The following EPC1 variants were observed in gnomAD, a reference collection of about 807,000 sequenced individuals.
EPC1 encodes enhancer of polycomb 1.
In EPC1, 12 loss-of-function variants were observed where a neutral mutation model predicts 98.4. The ratio of observed to expected loss-of-function variants is 0.12; its 90% CI spans 0.08 to 0.20. The LOEUF is 0.20. Among genes scored for constraint, EPC1 ranks in the 10% least tolerant of loss-of-function variants. EPC1 has a pLI of 1.00. For synonymous variants in EPC1, 357 were observed against 363.9 expected (o/e 0.98, Z 0.21); for missense variants, 729 against 990.5 (o/e 0.74, Z 3.54).
intron 1 of EPC1, among the ~76,000 whole-genome samples, chr10:32,317,805 A>G (rs1836645149): frequency 6.6e-6 from 1 of 152,246 alleles, no homozygotes; most frequent in Admixed American, 6.5e-5. Context: ...CTCTCTACCT[A>G]TCCTCTTGCT....
upstream of EPC1, among the ~76,000 whole-genome samples, chr10:32,351,298 C>T (rs368793899): frequency 1.3e-5 from 2 of 152,170 alleles, no homozygotes; most frequent in South Asian, 2.1e-4. Flanking sequence ...TGTCCAACAT[C>T]GTTTGTCATT....
intron 1 of EPC1, among the ~76,000 whole-genome samples, chr10:32,314,860 C>T (rs1301968057): frequency 3.3e-5 from 5 of 152,226 alleles, no homozygotes; most frequent in Non-Finnish European, 5.9e-5. Context: ...TTGCTGCTAT[C>T]GCCATTCCTC....
At chr10:32,364,942 G>A (rs537724238) in intron 1 of EPC1, among the ~76,000 whole-genome samples, 47 of 141,580 alleles carry the variant, frequency 3.3e-4, no homozygotes, top group Non-Finnish European at 3.9e-4. Context: ...ATCGGCTATC[G>A]TTTGTATATT....
chr10:32,376,776 T>C (rs184303387), intron 1 of EPC1, among the ~76,000 whole-genome samples: 3 of 152,256 alleles, frequency 2.0e-5, no homozygotes, highest in Admixed American at 1.3e-4. Context: ...ATAATAATTC[T>C]TGAAATGTTC....
intron 1 of EPC1, among the ~76,000 whole-genome samples, chr10:32,341,094 T>C (rs1420176636): frequency 6.6e-6 from 1 of 152,234 alleles, no homozygotes; most frequent in African/African-American, 2.4e-5. Flanking sequence ...CTCATTTCCT[T>C]GTGCATCTCT....
At chr10:32,317,290 A>C (rs1298646897) in intron 1 of EPC1, among the ~76,000 whole-genome samples, 1 of 152,214 alleles carries the variant, frequency 6.6e-6, no homozygotes, top group Non-Finnish European at 1.5e-5. Flanking sequence ...GAATTATACC[A>C]GTTATTTAAG....
At chr10:32,283,434 G>C (rs929135386) in intron 10 of EPC1, 2 of 152,034 alleles carry the variant, frequency 1.3e-5, no homozygotes, top group Non-Finnish European at 2.9e-5. Context: ...TCAGTCTCCT[G>C]AGTAGCTGAG....
intron 1 of EPC1, among the ~76,000 whole-genome samples, chr10:32,341,457 G>T (rs1838348645): frequency 1.3e-5 from 2 of 152,028 alleles, no homozygotes; most frequent in Non-Finnish European, 2.9e-5. Flanking sequence ...ATTTAATCCT[G>T]CCCACACATT....
intron 1 of EPC1, among the ~76,000 whole-genome samples, chr10:32,368,763 G>A (rs777722955): frequency 6.6e-6 from 1 of 152,126 alleles, no homozygotes; most frequent in Non-Finnish European, 1.5e-5. Context: ...ACTGTGTAAG[G>A]CCTATTTTGA....
intron 1 of EPC1, among the ~76,000 whole-genome samples, chr10:32,314,368 A>G (rs1836431138): frequency 1.3e-5 from 2 of 152,332 alleles, no homozygotes; most frequent in Admixed American, 1.3e-4. Flanking sequence ...GAGCTTTGCT[A>G]TCATGGCACC....
intron 10 of EPC1, among the ~76,000 whole-genome samples, chr10:32,280,844 C>G (rs1836374532): frequency 6.6e-6 from 1 of 152,160 alleles, no homozygotes; most frequent in East Asian, 1.9e-4. Context: ...TTGTATTTTA[C>G]AAAATAGTTA....
upstream of EPC1, among the ~76,000 whole-genome samples, chr10:32,351,364 A>G (rs762317172): frequency 2.6e-5 from 4 of 152,178 alleles, no homozygotes; most frequent in Non-Finnish European, 5.9e-5. Flanking sequence ...ATCTTCAGAA[A>G]TCAGCATGTC....
Position 32,284,984 on chromosome 10 carries a change from A to C in EPC1, c.1458T>G (p.Leu486=), listed in dbSNP as rs754132705. 2.5e-6 allele frequency: 4 copies of C among 1,614,082 alleles called. No homozygotes were observed. The highest frequency in any genetic ancestry group is 3.4e-6 in the Non-Finnish European group (4 of 1,180,044). ...SVFHHLDLEM[L]SSPQHSPVNQ... ...TGACTGGAGAATGTTGTGGTGAGGA[A>C]AGCATTTCCAAATCCAGATGGTGAA... The change falls in exon 10 of 14, where the codon CTT becomes CTG. Residue 486 remains leucine, a synonymous_variant. Coordinates refer to ENST00000319778, the MANE Select transcript of EPC1 (RefSeq NM_001272004.3).
chr10:32,339,609 C>T (rs77706860), intron 1 of EPC1, among the ~76,000 whole-genome samples: 17,433 of 152,196 alleles, frequency 0.11, 1,348 homozygotes, highest in South Asian at 0.25. Context: ...TATCATACAA[C>T]TCTCTAAGGA....
intron 1 of EPC1, among the ~76,000 whole-genome samples, chr10:32,365,542 G>A (rs758132433): frequency 5.9e-5 from 9 of 152,094 alleles, no homozygotes; most frequent in Non-Finnish European, 1.0e-4. Context: ...GGCCGGGGAC[G>A]TGGTTCATGC....
intron 1 of EPC1, among the ~76,000 whole-genome samples, chr10:32,358,639 A>AC (rs1393458479): frequency 2.0e-5 from 3 of 151,066 alleles, no homozygotes; most frequent in African/African-American, 4.9e-5. Flanking sequence ...AGTAAAAAAA[A>AC]AAAAAAAAGC....
chr10:32,338,140 C>A (rs902848933), intron 1 of EPC1, among the ~76,000 whole-genome samples: 2 of 152,186 alleles, frequency 1.3e-5, no homozygotes, highest in Non-Finnish European at 2.9e-5. Flanking sequence ...ACATTTCAAA[C>A]TGAACAAGTC....
chr10:32,357,012 C>T (rs893345498), intron 1 of EPC1, among the ~76,000 whole-genome samples: 1 of 151,944 alleles, frequency 6.6e-6, no homozygotes, highest in Non-Finnish European at 1.5e-5. Flanking sequence ...TTTACCAAAG[C>T]CCCCAAAAAA....
At chr10:32,273,088 A>G in intron 11 of EPC1, 75 bp downstream of exon 11, 1 of 1,614,192 alleles carries the variant, frequency 6.2e-7, no homozygotes, top group Non-Finnish European at 8.5e-7. Flanking sequence ...AGGTTCTATG[A>G]CAACAGTTGG....
Sources: allele counts gnomAD v4.1 joint callset (sites outside exome capture counted in the v4.1 genomes callset), GRCh38; gene constraint gnomAD v4.1.1; transcripts MANE v1.5; gene names NCBI Gene and HGNC (gene_info 2026-07-23, HGNC 2026-07-21).